The following NUP153 variants were observed in gnomAD, a reference collection of about 807,000 sequenced individuals.
NUP153 encodes nuclear pore complex protein Nup153.
In NUP153, 27 loss-of-function variants were observed where a neutral mutation model predicts 134.6. That is an observed-to-expected ratio of 0.20 (90% CI 0.15 to 0.28). The LOEUF (loss-of-function observed/expected upper bound fraction) is 0.28, where lower values mean the gene tolerates loss of function less well. Among genes scored for constraint, NUP153 ranks in the 10% least tolerant of loss-of-function variants. NUP153 has a pLI of 1.00. For synonymous variants in NUP153, 640 were observed against 623.5 expected (o/e 1.03, Z -0.40); for missense variants, 1,821 against 1,731.3 (o/e 1.05, Z -0.92).
intron 15 of NUP153, 37 bp from the exon 16 acceptor site, chr6:17,637,807 A>C (rs751659735): frequency 1.3e-6 from 2 of 1,544,362 alleles, no homozygotes; most frequent in African/African-American, 2.7e-5. Flanking sequence ...ACGTTAGAGA[A>C]GCTTTATAAA....
chr6:17,677,776 C>A (rs1768311365), intron 2 of NUP153, among the ~76,000 whole-genome samples: 1 of 140,090 alleles, frequency 7.1e-6, no homozygotes, highest in Non-Finnish European at 1.5e-5. Flanking sequence ...GTCGCCCAGG[C>A]TAGAGTGCAG....
At position 17,706,141 on chromosome 6, in the gene NUP153, TC is replaced by T; in HGVS notation, c.111+135del. 1 of 692,140 alleles carries T rather than the reference TC, an allele frequency of 1.4e-6. No individual in the cohort carries two copies. The highest frequency in any genetic ancestry group is 2.5e-6 in the Non-Finnish European group (1 of 407,044). The allele number at this position is 692,140 out of a possible 1,614,324, so 42.9% of individuals were successfully genotyped here. On this transcript the variant is annotated intron_variant, in intron 1 of 21. Coordinates refer to ENST00000262077, the MANE Select transcript of NUP153 (RefSeq NM_005124.4). This position sits in a 1 kb window ranked among gnomAD's most constrained non-coding sequence, Gnocchi z 5.9. ...CGTCGCCACCCCCAACGGCCTGAGC[TC>T]CCCCGGAGCCTCACTCGGGCCTTTC...
intron 1 of NUP153, among the ~76,000 whole-genome samples, chr6:17,689,871 T>C (rs1769174643): frequency 6.6e-6 from 1 of 152,138 alleles, no homozygotes; most frequent in Non-Finnish European, 1.5e-5. Flanking sequence ...TGTGGTATAA[T>C]AGCTTTCACT....
At chr6:17,704,469 A>G (rs973820860) in intron 1 of NUP153, among the ~76,000 whole-genome samples, 1 of 152,214 alleles carries the variant, frequency 6.6e-6, no homozygotes, top group African/African-American at 2.4e-5. Context: ...ATGCATGTGT[A>G]ACTTCCATTC....
At chr6:17,644,197 A>G (rs1766016032) in intron 14 of NUP153, among the ~76,000 whole-genome samples, 1 of 152,128 alleles carries the variant, frequency 6.6e-6, no homozygotes, top group South Asian at 2.1e-4. Flanking sequence ...TTTTTAATCT[A>G]TCTTTTGAGG....
At chr6:17,642,451 GA>G (rs1187012983) in intron 14 of NUP153, among the ~76,000 whole-genome samples, 3 of 151,996 alleles carry the variant, frequency 2.0e-5, no homozygotes, top group African/African-American at 7.3e-5. Flanking sequence ...ATAAGCACCT[GA>G]AAAAAATGCA....
In NUP153 at chr6:17,674,926, T is replaced by C; in HGVS notation, c.831A>G (p.Lys277=). 1 of 1,612,328 alleles carries C rather than the reference T, an allele frequency of 6.2e-7. No individual in the cohort carries two copies. The highest frequency in any genetic ancestry group is 8.5e-7 in the Non-Finnish European group (1 of 1,179,278). The stretch of plus-strand genomic sequence containing the variant: ...CTACCTGATAAGGTGTATTTCGTAG[T>C]TTAGACTGTCTTACAGCAGCTGCTG... ...GGAAAAVRQS[K]LRNTPYQAPV... The change falls in exon 5 of 22, where the codon AAA becomes AAG. Residue 277 remains lysine, a synonymous_variant. Coordinates refer to ENST00000262077, the MANE Select transcript of NUP153 (RefSeq NM_005124.4).
intron 1 of NUP153, among the ~76,000 whole-genome samples, chr6:17,702,928 G>A (rs1019532449): frequency 2.0e-5 from 3 of 152,080 alleles, no homozygotes; most frequent in South Asian, 2.1e-4. Flanking sequence ...GGCCGGGCGC[G>A]GTGGCTCACG....
At chr6:17,616,750 TTTG>T in intron 20 of NUP153, 55 bp from the exon 21 acceptor site, 2 of 1,526,072 alleles carry the variant, frequency 1.3e-6, no homozygotes, top group Non-Finnish European at 1.8e-6. Context: ...GGTTTTTTTG[TTTG>T]TTTGTTTGTT....
intron 11 of NUP153, among the ~76,000 whole-genome samples, chr6:17,655,914 A>C (rs943912677): frequency 6.6e-6 from 1 of 152,204 alleles, no homozygotes; most frequent in Non-Finnish European, 1.5e-5. Flanking sequence ...GATATAAAAC[A>C]CAAGGTAGGG....
intron 11 of NUP153, among the ~76,000 whole-genome samples, chr6:17,654,413 C>G (rs1229137472): frequency 6.6e-6 from 1 of 151,848 alleles, no homozygotes. Flanking sequence ...CCTCTGCCTT[C>G]TGGTTTCAAC....
rs772087195 is a variant in NUP153, at chr6:17,665,290, A to G, written c.1164T>C (p.Thr388=). The change falls in exon 9 of 22, where the codon ACT becomes ACC. Residue 388 remains threonine, a synonymous_variant. Transcript: ENST00000262077. ...NRSVYFKPSL[T]PSGEFRKTNQ... ...TAGTCTTCCTGAATTCACCAGAAGGAGTCAGAGATGGTTTAAAATAAACAC... is the reference window on the plus strand; with the variant it reads ...TAGTCTTCCTGAATTCACCAGAAGGGGTCAGAGATGGTTTAAAATAAACAC... The G allele has an allele frequency of 1.2e-6, 2 of 1,611,810 alleles. No homozygotes were observed. The highest frequency in any genetic ancestry group is 1.7e-6 in the Non-Finnish European group (2 of 1,178,094).
intron 18 of NUP153, among the ~76,000 whole-genome samples, chr6:17,626,533 C>A (rs1764959502): frequency 6.6e-6 from 1 of 152,284 alleles, no homozygotes; most frequent in East Asian, 1.9e-4. Flanking sequence ...CAGTATGTGG[C>A]AAAATCATAA....
chr6:17,617,171 A>T (rs1291547749), intron 20 of NUP153, among the ~76,000 whole-genome samples: 2 of 152,238 alleles, frequency 1.3e-5, no homozygotes, highest in African/African-American at 4.8e-5. Flanking sequence ...CATAGTACAT[A>T]CTTGACACCT....
rs772273751 is a variant in NUP153 at position 17,675,357 on chromosome 6, A to G, written c.595T>C (p.Ser199Pro). ...AGAGGTGGCAATGAAGTGTTCTTTG[A>G]AACAGTTATATCTGAAACAAAATTA... is the stretch of plus-strand genomic sequence containing the variant. Reference protein sequence around the residue: ...SRASDKDITVSKNTSLPPLWS... With the variant: ...SRASDKDITVPKNTSLPPLWS... Residue 199 changes from serine (S) to proline (P), a missense_variant, in exon 4 of 22, where the codon TCA (serine) becomes CCA (proline). Transcript: ENST00000262077. This position sits in a 1 kb window ranked among gnomAD's most constrained non-coding sequence, Gnocchi z 4.4. 1.9e-6 allele frequency: 3 copies of G among 1,613,954 alleles called. No homozygotes were observed. The highest frequency in any genetic ancestry group is 2.5e-6 in the Non-Finnish European group (3 of 1,179,890).
At chr6:17,692,474 A>G (rs1181700672) in intron 1 of NUP153, among the ~76,000 whole-genome samples, 1 of 152,176 alleles carries the variant, frequency 6.6e-6, no homozygotes, top group East Asian at 1.9e-4. Context: ...TGATTGTACC[A>G]CTGCGCTCCT....
At chr6:17,652,519 G>A (rs1315112906) in intron 11 of NUP153, among the ~76,000 whole-genome samples, 3 of 151,834 alleles carry the variant, frequency 2.0e-5, no homozygotes, top group Non-Finnish European at 4.4e-5. Context: ...TTGTAGCCCG[G>A]GGATAGGCAA....
At chr6:17,640,387 C>T (rs1765776839) in intron 14 of NUP153, among the ~76,000 whole-genome samples, 1 of 152,142 alleles carries the variant, frequency 6.6e-6, no homozygotes, top group South Asian at 2.1e-4. Context: ...AGGGCAAGCC[C>T]ATCCACTGCA....
chr6:17,672,717 A>G (rs1469182121), intron 5 of NUP153, among the ~76,000 whole-genome samples: 1 of 151,838 alleles, frequency 6.6e-6, no homozygotes, highest in African/African-American at 2.4e-5. Context: ...GGCCAGGCAC[A>G]CCTGTAATCT....
Sources: gnomAD v4.1 joint callset for allele counts (sites outside exome capture counted in the v4.1 genomes callset) on GRCh38, gnomAD v4.1.1 for gene constraint, Gnocchi (gnomAD v3.1) non-coding constraint, MANE v1.5 for transcripts, NCBI Gene and HGNC (gene_info 2026-07-23, HGNC 2026-07-21) for gene names.